The following COCH variants were observed in gnomAD, a reference collection of about 807,000 sequenced individuals.
The protein encoded by COCH is coagulation factor C homolog, cochlin (Limulus polyphemus).
In COCH, 40 loss-of-function variants were observed where a neutral mutation model predicts 54.8. That is an observed-to-expected ratio of 0.73 (90% CI 0.57 to 0.95). COCH has a LOEUF of 0.95. COCH is among the 40% of genes least tolerant of loss of function. The pLI is 0.00. For missense variants in COCH, 605 were observed against 675.0 expected (o/e 0.90, Z 1.15); for synonymous variants, 256 against 237.9 (o/e 1.08, Z -0.70).
chr14:30,879,490 G>T lies in COCH; in HGVS notation c.436+5G>T. On this transcript the variant is annotated splice_donor_5th_base_variant and intron_variant, in intron 6 of 11. Transcript: ENST00000396618. ...CCACAGCACATCCACCAACAGGTAT[G>T]AACTATGAAACCTATCTCCTAGTTG... 1 of 1,613,990 alleles carries T rather than the reference G, an allele frequency of 6.2e-7. No individual in the cohort carries two copies. Among genetic ancestry groups the T allele is most frequent in the South Asian group, 1.1e-5 (1 of 91,046 alleles).
chr14:30,874,996 C>G, intron 2 of COCH, 24 bp downstream of exon 2: 1 of 1,613,172 alleles, frequency 6.2e-7, no homozygotes, highest in Non-Finnish European at 8.5e-7. Context: ...CCTCACGACC[C>G]CGGCCCCTTG....
At chr14:30,876,638 C>G (rs1484032286) in intron 3 of COCH, 1 of 152,112 alleles carries the variant, frequency 6.6e-6, no homozygotes, top group Admixed American at 6.6e-5. Context: ...GTTTAAGGAT[C>G]TGCATTTGTA....
At chr14:30,878,747 A>G (rs1286310447) in intron 4 of COCH, 64 bp from the exon 5 acceptor site, 9 of 1,611,498 alleles carry the variant, frequency 5.6e-6, no homozygotes, top group African/African-American at 2.7e-5. Flanking sequence ...ACATGGCACT[A>G]TAAGTCAGTG....
intron 8 of COCH, among the ~76,000 whole-genome samples, chr14:30,883,006 T>C (rs1414919177): frequency 6.6e-6 from 1 of 152,262 alleles, no homozygotes; most frequent in Non-Finnish European, 1.5e-5. Context: ...TTCCATTTCA[T>C]TTCTGTTATT....
chr14:30,874,641 C>T, intron 1 of COCH, 50 bp downstream of exon 1: 2 of 558,458 alleles, frequency 3.6e-6, no homozygotes, highest in Non-Finnish European at 6.4e-6. Flanking sequence ...CCTGACGCCT[C>T]TGTCCCTGTT....
At chr14:30,889,575 AG>A (rs1728895841) in intron 11 of COCH, 40 bp from the exon 12 acceptor site, 1 of 1,561,298 alleles carries the variant, frequency 6.4e-7, no homozygotes, top group African/African-American at 1.4e-5. Flanking sequence ...TATATTAGCT[AG>A]ACCTGATTTT....
intron 11 of COCH, among the ~76,000 whole-genome samples, chr14:30,887,330 G>T (rs1292245652): frequency 6.6e-6 from 1 of 151,512 alleles, no homozygotes; most frequent in Non-Finnish European, 1.5e-5. Context: ...GGAGGCAGAG[G>T]TTGCAATGAA....
At chr14:30,887,414 A>C (rs7156079) in intron 11 of COCH, among the ~76,000 whole-genome samples, 147,368 of 148,542 alleles carry the variant, frequency 0.99, 73,103 homozygotes, top group Middle Eastern at 1. Flanking sequence ...AAAAAAAAAA[A>C]AAAAAACTTT....
Position 30,881,207 on chromosome 14 carries a change from T to C in COCH, c.629+473T>C, listed in dbSNP as rs966973480. On this transcript the variant is annotated intron_variant, in intron 8 of 11. Coordinates refer to ENST00000396618, the MANE Select transcript of COCH (RefSeq NM_004086.3). ...TCCAGCCTGGGCAACAGTGAGACTA[T>C]GTCTCAAAAAAAAAAAAAAAAAAGA... Among the ~76,000 whole-genome samples, 19 of 128,062 alleles carry C rather than the reference T, an allele frequency of 1.5e-4. No homozygotes were observed. In the East Asian group the frequency reaches 3.9e-3, roughly 26 times the overall value. The allele number at this position is 128,062 out of a possible 152,430, so 84.0% of individuals were successfully genotyped here. A position where few individuals can be genotyped will look rare whatever the true frequency, so the allele number is the denominator to read the frequency against.
At chr14:30,874,646 CCT>C in intron 1 of COCH, 55 bp downstream of exon 1, 1 of 568,472 alleles carries the variant, frequency 1.8e-6, no homozygotes. Context: ...CGCCTCTGTC[CCT>C]GTTTCTTTGT....
At position 30,889,721 on chromosome 14, in the gene COCH, C is replaced by G. The variant is rs903157282; in HGVS notation, c.1583C>G (p.Thr528Arg). ...ESHAFFTREF[T>R]GLEPIVSDVI... The stretch of plus-strand genomic sequence containing the variant: ...CATGCTTTCTTCACAAGAGAGTTCA[C>G]AGGATTAGAACCAATTGTTTCTGAT... Residue 528 changes from threonine (T) to arginine (R), a missense_variant, in exon 12 of 12, where the codon ACA becomes AGA. Physicochemically the swap from Thr to Arg is moderately conservative, Grantham distance 71 (BLOSUM62 -1). Transcript: ENST00000396618. The G allele has an allele frequency of 3.1e-6, 5 of 1,613,902 alleles. No homozygotes were observed. In the African/African-American group the frequency reaches 6.7e-5, roughly 22 times the overall value.
chr14:30,878,104 C>CA (rs1192391990), intron 4 of COCH, among the ~76,000 whole-genome samples: 3 of 152,146 alleles, frequency 2.0e-5, no homozygotes, highest in African/African-American at 7.2e-5. Context: ...AGAGAGTTGT[C>CA]AAGTATCTTG....
intron 4 of COCH, among the ~76,000 whole-genome samples, 194 bp from the exon 5 acceptor site, chr14:30,878,617 A>G (rs921786476): frequency 6.6e-6 from 1 of 152,220 alleles, no homozygotes; most frequent in African/African-American, 2.4e-5. Context: ...AGATCGCGCC[A>G]CTGCACTCCA....
At position 30,885,527 on chromosome 14, in the gene COCH, CAG is replaced by C. The variant is rs1430102690; in HGVS notation, c.872_873del (p.Glu291ValfsTer16). 3.1e-6 allele frequency: 5 copies of C among 1,613,262 alleles called. No individual in the cohort carries two copies. The African/African-American group carries it at 5.3e-5, about 17-fold the overall frequency. On this transcript the variant is annotated frameshift_variant, in exon 10 of 12. Coordinates refer to ENST00000396618, the MANE Select transcript of COCH (RefSeq NM_004086.3). LOFTEE classifies it high-confidence loss of function. ...DDIEEAGIVA[R>X]EFGVNVFIVS... ...ACATCGAGGAAGCAGGCATTGTGGC[CAG>C]AGAGTTTGGTGTCAATGTATTTATA...
At chr14:30,892,846 G>A (rs945953780), downstream of COCH, among the ~76,000 whole-genome samples, 2 of 151,426 alleles carry the variant, frequency 1.3e-5, no homozygotes, top group Non-Finnish European at 2.9e-5. Context: ...AAAAGTTTTA[G>A]ATTTTCGTCA....
Position 30,889,954 on chromosome 14 carries a change from T to G in COCH, c.*163T>G. 1 of 1,389,788 alleles carries G rather than the reference T, an allele frequency of 7.2e-7. No individual in the cohort carries two copies. Among genetic ancestry groups the G allele is most frequent in the Non-Finnish European group, 9.3e-7 (1 of 1,072,632 alleles). 86.1% of individuals were successfully genotyped at this position (1,389,788 alleles called of 1,614,324 possible). ...TAAGCACTCCTTTAAAGCCGCTGCC[T>G]TCTGGTTACAATTTACAGTGTACTT... On this transcript the variant is annotated 3_prime_UTR_variant, in exon 12 of 12. Coordinates refer to ENST00000396618, the MANE Select transcript of COCH (RefSeq NM_004086.3).
At chr14:30,888,129 T>G (rs973015736) in intron 11 of COCH, among the ~76,000 whole-genome samples, 2 of 144,342 alleles carry the variant, frequency 1.4e-5, no homozygotes, top group Non-Finnish European at 3.1e-5. Context: ...AGTGGTGTGA[T>G]TATTTTTTTT....
chr14:30,893,365 G>A (rs1459402905), downstream of COCH, among the ~76,000 whole-genome samples: 2 of 151,732 alleles, frequency 1.3e-5, no homozygotes, highest in Admixed American at 6.6e-5. Context: ...TGTTAGCCAG[G>A]ATGGTCTTGA....
intron 11 of COCH, among the ~76,000 whole-genome samples, chr14:30,886,625 C>A (rs879314255): frequency 6.6e-6 from 1 of 152,200 alleles, no homozygotes; most frequent in Admixed American, 6.5e-5. Context: ...TATGCTTATA[C>A]ATATACAATT....
Sources: allele counts gnomAD v4.1 joint callset (sites outside exome capture counted in the v4.1 genomes callset), GRCh38; gene constraint gnomAD v4.1.1; transcripts MANE v1.5; gene names NCBI Gene and HGNC (gene_info 2026-07-23, HGNC 2026-07-21).